FYN: variants seen among roughly 807,000 people sequenced by gnomAD.
FYN encodes FYN proto-oncogene, Src family tyrosine kinase, also known as tyrosine-protein kinase Fyn.
A neutral mutation model predicts 70.2 loss-of-function variants in FYN; 10 were observed. The ratio of observed to expected loss-of-function variants is 0.14; its 90% CI spans 0.09 to 0.24. The LOEUF is 0.24. Among genes scored for constraint, FYN ranks in the 10% least tolerant of loss-of-function variants. FYN has a pLI of 1.00. For synonymous variants in FYN, 236 were observed against 248.6 expected (o/e 0.95, Z 0.48); for missense variants, 319 against 673.1 (o/e 0.47, Z 5.82).
chr6:111,730,381 G>A (rs1239866212), intron 3 of FYN, among the ~76,000 whole-genome samples: 1 of 152,130 alleles, frequency 6.6e-6, no homozygotes, highest in Non-Finnish European at 1.5e-5. Flanking sequence ...GGTACTTGGG[G>A]ACACCCACTA....
chr6:111,753,210 T>C (rs17072877), intron 3 of FYN, among the ~76,000 whole-genome samples: 48,546 of 152,100 alleles, frequency 0.32, 8,808 homozygotes, highest in East Asian at 0.47. Flanking sequence ...GATGCTTTCA[T>C]AGGAGGAATA....
At chr6:111,826,146 C>T (rs1231046424) in intron 2 of FYN, among the ~76,000 whole-genome samples, 5 of 152,094 alleles carry the variant, frequency 3.3e-5, no homozygotes, top group South Asian at 4.1e-4. Context: ...GGTTCCATTA[C>T]CCATCCCTGA....
chr6:111,678,106 ATATGTGTGTGTGTGTGTGTGTG>A (rs1351181078), intron 12 of FYN, among the ~76,000 whole-genome samples: 3 of 118,552 alleles, frequency 2.5e-5, no homozygotes, highest in Admixed American at 2.2e-4. Flanking sequence ...GAAGGCCATA[ATATGTGTGTGTGTGTGTGTGTG>A]TGTGTGTGTG....
intron 12 of FYN, among the ~76,000 whole-genome samples, chr6:111,690,864 C>T (rs1799284432): frequency 6.6e-6 from 1 of 152,152 alleles, no homozygotes; most frequent in African/African-American, 2.4e-5. Flanking sequence ...TCAACAATCC[C>T]CCACGTCTTC....
At chr6:111,707,581 G>T (rs1202370934) in intron 6 of FYN, among the ~76,000 whole-genome samples, 1 of 152,174 alleles carries the variant, frequency 6.6e-6, no homozygotes, top group Non-Finnish European at 1.5e-5. Context: ...AGAGGGAGTG[G>T]ACTGCGGGCT....
At chr6:111,742,387 C>G (rs6911866) in intron 3 of FYN, among the ~76,000 whole-genome samples, 1 of 151,996 alleles carries the variant, frequency 6.6e-6, no homozygotes, top group African/African-American at 2.4e-5. Flanking sequence ...TAATACATCA[C>G]GTTGTTAATG....
intron 3 of FYN, among the ~76,000 whole-genome samples, chr6:111,734,433 T>C (rs944467694): frequency 6.6e-6 from 1 of 152,180 alleles, no homozygotes; most frequent in African/African-American, 2.4e-5. Flanking sequence ...TGCCCTATGG[T>C]TTAAAGTACT....
intron 2 of FYN, among the ~76,000 whole-genome samples, chr6:111,791,946 C>T (rs1390738412): frequency 6.6e-6 from 1 of 152,116 alleles, no homozygotes; most frequent in East Asian, 1.9e-4. Flanking sequence ...TAGAAGAAAA[C>T]ATAGAGAACA....
Position 111,696,268 on chromosome 6 carries a change from T to C in FYN, c.1042+9A>G, listed in dbSNP as rs1287141987. On this transcript the variant is annotated intron_variant, in intron 10 of 13. Coordinates refer to ENST00000354650, the MANE Select transcript of FYN (RefSeq NM_002037.5). ...CTGTGAGCTGGAGACAGGAGAGGTG[T>C]TGCCCAACCTTTGTTCATATACTCG... The C allele has an allele frequency of 6.3e-7, 1 of 1,597,942 alleles. No homozygotes were observed. The highest frequency in any genetic ancestry group is 8.5e-7 in the Non-Finnish European group (1 of 1,171,164).
At chr6:111,704,618 G>A (rs754709430) in intron 6 of FYN, among the ~76,000 whole-genome samples, 1 of 152,090 alleles carries the variant, frequency 6.6e-6, no homozygotes, top group Non-Finnish European at 1.5e-5. Flanking sequence ...GCTTGGTGTG[G>A]TGGTGGGCAC....
chr6:111,758,235 A>C (rs1802831773), intron 3 of FYN, among the ~76,000 whole-genome samples: 1 of 152,244 alleles, frequency 6.6e-6, no homozygotes, highest in African/African-American at 2.4e-5. Flanking sequence ...TGACTAAAAA[A>C]TATTCACGGT....
chr6:111,782,273 A>G (rs1004044362), intron 2 of FYN, among the ~76,000 whole-genome samples: 2 of 152,188 alleles, frequency 1.3e-5, no homozygotes, highest in Non-Finnish European at 2.9e-5. Flanking sequence ...CTTCTTCCCT[A>G]TTTTAAAACT....
intron 3 of FYN, among the ~76,000 whole-genome samples, chr6:111,739,058 G>T (rs949610292): frequency 6.6e-6 from 1 of 152,130 alleles, no homozygotes; most frequent in Non-Finnish European, 1.5e-5. Context: ...GCCTAACTCT[G>T]TCCATTGCCA....
At position 111,755,124 on chromosome 6, in the gene FYN, TAGATG is replaced by T. The variant is rs139960477; in HGVS notation, c.-12+25437_-12+25441del. ...TTGGATGAACAAATACTGGCTGGAC[TAGATG>T]AGCTTTAAGGCTCCTTCAAGCACAG... On this transcript the variant is annotated intron_variant, in intron 3 of 13. Transcript: ENST00000354650. Among the ~76,000 whole-genome samples, 251 of 152,264 alleles carry T rather than the reference TAGATG, an allele frequency of 1.6e-3. 6 individuals are homozygous for T. In the East Asian group the frequency reaches 0.038, roughly 23 times the overall value.
At chr6:111,872,088 C>T (rs569498251) in intron 1 of FYN, among the ~76,000 whole-genome samples, 8 of 152,066 alleles carry the variant, frequency 5.3e-5, no homozygotes, top group Non-Finnish European at 1.0e-4. Context: ...ACTCACACAC[C>T]CGGCGAGTCT....
chr6:111,667,826 T>A (rs1401572049), intron 13 of FYN, among the ~76,000 whole-genome samples: 2 of 152,256 alleles, frequency 1.3e-5, no homozygotes. Flanking sequence ...GCCATATCTG[T>A]ACAATCAGGG....
chr6:111,718,815 A>G (rs904050862), intron 4 of FYN, among the ~76,000 whole-genome samples: 3 of 152,000 alleles, frequency 2.0e-5, no homozygotes, highest in Non-Finnish European at 4.4e-5. Context: ...TACTTCTTCT[A>G]CTGGGCAGAG....
chr6:111,835,110 T>C (rs879298354), intron 2 of FYN, among the ~76,000 whole-genome samples: 1 of 152,252 alleles, frequency 6.6e-6, no homozygotes, highest in African/African-American at 2.4e-5. Context: ...TCTTATTTCC[T>C]ACTCAAAAAT....
At chr6:111,784,015 T>C (rs1418297336) in intron 2 of FYN, among the ~76,000 whole-genome samples, 2 of 152,192 alleles carry the variant, frequency 1.3e-5, no homozygotes, top group African/African-American at 2.4e-5. Flanking sequence ...AGAATAAGCA[T>C]GTGGCCCAAT....
Sources: allele counts gnomAD v4.1 joint callset (sites outside exome capture counted in the v4.1 genomes callset), GRCh38; gene constraint gnomAD v4.1.1; transcripts MANE v1.5; gene names NCBI Gene and HGNC (gene_info 2026-07-23, HGNC 2026-07-21).